Variants in MTOR observed in about 807,000 individuals in gnomAD.
MTOR encodes the protein serine/threonine-protein kinase mTOR.
In MTOR, 70 loss-of-function variants were observed where a neutral mutation model predicts 319.8. The observed-to-expected ratio is 0.22, with a 90% CI of 0.18 to 0.27. MTOR has a LOEUF of 0.27. Among genes scored for constraint, MTOR ranks in the 10% least tolerant of loss-of-function variants. The probability of loss-of-function intolerance (pLI) is 1.00; values close to 1 mark genes in which losing one functional copy is unlikely to be tolerated. For synonymous variants in MTOR, 1,183 were observed against 1,211.4 expected (o/e 0.98, Z 0.49); for missense variants, 1,890 against 3,274.4 (o/e 0.58, Z 10.32).
At chr1:11,196,689 T>C (rs1645796893) in intron 28 of MTOR, among the ~76,000 whole-genome samples, 2 of 151,802 alleles carry the variant, frequency 1.3e-5, no homozygotes, top group South Asian at 2.1e-4. Flanking sequence ...CCCTTTCTAC[T>C]AAAAATACAA....
At chr1:11,203,236 C>CA (rs1204698534) in intron 26 of MTOR, among the ~76,000 whole-genome samples, 1 of 151,060 alleles carries the variant, frequency 6.6e-6, no homozygotes, top group African/African-American at 2.4e-5. Flanking sequence ...AAAATGAAAA[C>CA]AAAAAAACCA....
chr1:11,222,538 G>C (rs1346858664), intron 19 of MTOR, among the ~76,000 whole-genome samples: 1 of 151,896 alleles, frequency 6.6e-6, no homozygotes, highest in Non-Finnish European at 1.5e-5. Context: ...GTTTTGCTAT[G>C]CTGCCCAGGT....
At chr1:11,150,089 C>A (rs369958410) in intron 31 of MTOR, 37 bp downstream of exon 31, 66 of 1,579,844 alleles carry the variant, frequency 4.2e-5, no homozygotes, top group Non-Finnish European at 5.4e-5. Flanking sequence ...CCTCACTCAC[C>A]CCATCCTTCA....
chr1:11,256,700 T>C (rs1650443696), intron 4 of MTOR, among the ~76,000 whole-genome samples: 2 of 152,126 alleles, frequency 1.3e-5, no homozygotes, highest in Non-Finnish European at 2.9e-5. Flanking sequence ...CTCCTCACAG[T>C]ACTGCCTCCT....
At chr1:11,255,712 G>C (rs1252282136) in intron 5 of MTOR, among the ~76,000 whole-genome samples, 1 of 152,156 alleles carries the variant, frequency 6.6e-6, no homozygotes, top group Non-Finnish European at 1.5e-5. Flanking sequence ...GGGCGTGGTG[G>C]CACACGCCTG....
intron 20 of MTOR, 90 bp from the exon 21 acceptor site, chr1:11,213,656 C>T: frequency 1.6e-6 from 2 of 1,260,174 alleles, no homozygotes; most frequent in South Asian, 1.4e-5. Context: ...AAAAGCAAAA[C>T]TGTAGTGAGC....
At chr1:11,200,392 AC>A (rs1645921229) in intron 26 of MTOR, among the ~76,000 whole-genome samples, 2 of 152,178 alleles carry the variant, frequency 1.3e-5, no homozygotes, top group Non-Finnish European at 1.5e-5. Context: ...TTGGGGCCTC[AC>A]AAAGACATGG....
At chr1:11,181,553 T>A (rs1468027351) in intron 28 of MTOR, among the ~76,000 whole-genome samples, 2 of 151,798 alleles carry the variant, frequency 1.3e-5, no homozygotes, top group African/African-American at 4.8e-5. Context: ...AAATAAAAAT[T>A]AAAAAGAGGG....
chr1:11,238,303 G>A (rs919444256), intron 12 of MTOR, 99 bp downstream of exon 12: 6 of 1,286,664 alleles, frequency 4.7e-6, no homozygotes, highest in African/African-American at 4.4e-5. Context: ...AGCTTTTTGA[G>A]CCGAAGAACT....
chr1:11,114,191 T>C (rs1642042672), intron 53 of MTOR, 127 bp downstream of exon 53: 1 of 1,141,238 alleles, frequency 8.8e-7, no homozygotes, highest in Non-Finnish European at 1.2e-6. Context: ...AAAGGGGTCT[T>C]ACTATGTTGC....
intron 11 of MTOR, among the ~76,000 whole-genome samples, chr1:11,238,848 C>T (rs1350312683): frequency 2.0e-5 from 3 of 151,840 alleles, no homozygotes; most frequent in African/African-American, 2.4e-5. Context: ...CTGCAGGCTC[C>T]GCCTCCCGGG....
At chr1:11,174,808 G>A (rs1571070792) in intron 28 of MTOR, among the ~76,000 whole-genome samples, 1 of 152,264 alleles carries the variant, frequency 6.6e-6, no homozygotes, top group African/African-American at 2.4e-5. Flanking sequence ...GTGCCCCTCA[G>A]TCTTTCCCTA....
rs574095979 is a variant in MTOR, at chr1:11,109,018, C to T, written c.7528+272G>A. On this transcript the variant is annotated intron_variant, in intron 56 of 57. Transcript: ENST00000361445. This position sits in a 1 kb window ranked among gnomAD's most constrained non-coding sequence, Gnocchi z 4.0. ...ACAAAAAAAAGACATGATTAAAAAA[C>T]ACTTCTCTGAATTTGGCTGATTTTG... is the stretch of plus-strand genomic sequence containing the variant. Among the ~76,000 whole-genome samples the T allele has an allele frequency of 2.6e-4, 40 of 152,226 alleles. No homozygotes were observed. The highest frequency in any genetic ancestry group is 9.1e-4 in the African/African-American group (38 of 41,546).
intron 29 of MTOR, among the ~76,000 whole-genome samples, chr1:11,167,024 T>C (rs1370217675): frequency 6.6e-6 from 1 of 152,156 alleles, no homozygotes; most frequent in Non-Finnish European, 1.5e-5. Context: ...ATGTTCTCAC[T>C]CATAGGTGGG....
At chr1:11,241,499 C>G in intron 10 of MTOR, 54 bp downstream of exon 10, 1 of 1,560,250 alleles carries the variant, frequency 6.4e-7, no homozygotes, top group Non-Finnish European at 8.7e-7. Context: ...AGTCCCAACA[C>G]TGGGGGCCAA....
At chr1:11,171,601 AG>A (rs1644816160) in intron 28 of MTOR, among the ~76,000 whole-genome samples, 1 of 152,160 alleles carries the variant, frequency 6.6e-6, no homozygotes, top group South Asian at 2.1e-4. Context: ...GATCAAAATT[AG>A]GAAGTAGTGA....
At position 11,253,053 on chromosome 1, in the gene MTOR, C is replaced by G. The variant is rs1435752035; in HGVS notation, c.840+786G>C. On this transcript the variant is annotated intron_variant, in intron 6 of 57. Transcript: ENST00000361445. ...TATCCTGCTCTTGGGAGACACAGAC[C>G]TCTCTGACAGCCAACTTTGGCTTGA... Among the ~76,000 whole-genome samples, 3 of 152,334 alleles carry G rather than the reference C, an allele frequency of 2.0e-5. No individual in the cohort carries two copies. In the South Asian group the frequency reaches 6.2e-4, roughly 32 times the overall value.
At chr1:11,119,758 C>A (rs112344584) in intron 49 of MTOR, among the ~76,000 whole-genome samples, 4,184 of 145,266 alleles carry the variant, frequency 0.029, 155 homozygotes, top group Admixed American at 0.07. Context: ...AAAAAAAAAA[C>A]AAAACAAAAC....
chr1:11,213,957 T>C (rs1021722772), intron 20 of MTOR, among the ~76,000 whole-genome samples: 22 of 152,242 alleles, frequency 1.4e-4, no homozygotes, highest in Non-Finnish European at 3.1e-4. Flanking sequence ...TTGATAGCGA[T>C]AGCAGTTGTA....
Sources: gnomAD v4.1 joint callset for allele counts (sites outside exome capture counted in the v4.1 genomes callset) on GRCh38, gnomAD v4.1.1 for gene constraint, Gnocchi (gnomAD v3.1) non-coding constraint, MANE v1.5 for transcripts, NCBI Gene and HGNC (gene_info 2026-07-23, HGNC 2026-07-21) for gene names.